Variants in PDHB observed in about 807,000 individuals in gnomAD.
PDHB encodes the protein pyruvate dehydrogenase E1 subunit beta, also known as pyruvate dehydrogenase E1 component subunit beta, mitochondrial.
PDHB carries 17 observed loss-of-function variants against 42.8 expected under a neutral mutation model. That is an observed-to-expected ratio of 0.40 (90% CI 0.27 to 0.60). The LOEUF is 0.60. Ranked by LOEUF, PDHB falls within the 20% of genes least tolerant of loss-of-function variation. The pLI is 0.46. For synonymous variants in PDHB, 154 were observed against 148.7 expected (o/e 1.04, Z -0.26); for missense variants, 322 against 451.3 (o/e 0.71, Z 2.60).
chr3:58,431,801 TA>T lies in PDHB; in HGVS notation c.205-9del. ...CCACAGCCCTCGACTAACCTACAAT[TA>T]AGAGTTGATCCCTTAAGTGTATCTG... On this transcript the variant is annotated splice_polypyrimidine_tract_variant and intron_variant, in intron 3 of 9. Transcript: ENST00000302746. The surrounding 1 kb of genome is among the most constrained non-coding windows in gnomAD (Gnocchi z 4.4). 6.2e-7 allele frequency: 1 copy of T among 1,612,790 alleles called. No individual in the cohort carries two copies. Among genetic ancestry groups the T allele is most frequent in the Non-Finnish European group, 8.5e-7 (1 of 1,178,780 alleles).
intron 2 of PDHB, 63 bp downstream of exon 2, chr3:58,433,568 C>A (rs2062942580): frequency 4.5e-6 from 7 of 1,541,440 alleles, no homozygotes; most frequent in Non-Finnish European, 6.1e-6. Flanking sequence ...CGACTCCGGC[C>A]TCCTTCCCGA....
chr3:58,431,637 T>C lies in PDHB; in HGVS notation c.268-9A>G. ...ATTCCAGCAAAGCCCATCTATAAAG[T>C]AAAATATAAACATAAGTGAAAATCC... On this transcript the variant is annotated splice_polypyrimidine_tract_variant and intron_variant, in intron 4 of 9. Transcript: ENST00000302746. The surrounding 1 kb of genome is among the most constrained non-coding windows in gnomAD (Gnocchi z 4.4). 6.2e-7 allele frequency: 1 copy of C among 1,609,036 alleles called. No homozygotes were observed. The highest frequency in any genetic ancestry group is 8.5e-7 in the Non-Finnish European group (1 of 1,175,888).
chr3:58,433,691 G>A lies in PDHB; in HGVS notation c.43-7C>T, dbSNP rs2062944238. The A allele has an allele frequency of 6.2e-7, 1 of 1,612,810 alleles. No individual in the cohort carries two copies. The highest frequency in any genetic ancestry group is 8.5e-7 in the Non-Finnish European group (1 of 1,179,640). ...TCTTCAGCAGCCCGGAGACCTGGCA[G>A]GGAGAGAGGAAGATGACGGCGGGAC... On this transcript the variant is annotated splice_region_variant and splice_polypyrimidine_tract_variant and intron_variant, in intron 1 of 9. Transcript: ENST00000302746.
intron 2 of PDHB, 200 bp from the exon 3 acceptor site, chr3:58,432,184 T>G: frequency 1.7e-6 from 1 of 603,992 alleles, no homozygotes; most frequent in Non-Finnish European, 3.0e-6. Context: ...ATGTACTGAG[T>G]GCTCACTAGG....
rs769662255 is a variant in PDHB at position 58,430,775 on chromosome 3, C to T, written c.471G>A (p.Gln157=). ...ACCAGGCAGCAAAGCACTGTGAGTGCTGGGCAGCTACACCTGCTGAGGCAC... is the reference window on the plus strand; with the variant it reads ...ACCAGGCAGCAAAGCACTGTGAGTGTTGGGCAGCTACACCTGCTGAGGCAC... ...PNGASAGVAA[Q]HSQCFAAWYG... is the part of the protein sequence containing the mutation. The change falls in exon 6 of 10, where the codon CAG becomes CAA. Residue 157 remains glutamine (Q), a synonymous_variant. Coordinates refer to ENST00000302746, the MANE Select transcript of PDHB (RefSeq NM_000925.4). The T allele has an allele frequency of 1.9e-6, 3 of 1,614,070 alleles. No homozygotes were observed. In the African/African-American group the frequency reaches 4.0e-5, roughly 22 times the overall value.
At position 58,430,807 on chromosome 3, in the gene PDHB, G is replaced by A. The variant is rs762371237; in HGVS notation, c.439C>T (p.Pro147Ser). 6.2e-7 allele frequency: 1 copy of A among 1,613,980 alleles called. No individual in the cohort carries two copies. Among genetic ancestry groups the A allele is most frequent in the Non-Finnish European group, 8.5e-7 (1 of 1,179,904 alleles). ...GCTACACCTGCTGAGGCACCATTGG[G>A]CCCTCTGAAGACTATAGGCACAGGC... ...LQPVPIVFRGPNGASAGVAAQ... is the reference protein window; with the variant it reads ...LQPVPIVFRGSNGASAGVAAQ... Residue 147 changes from proline (P) to serine (S), a missense_variant, in exon 6 of 10, where the codon CCC becomes TCC. Pro to Ser is a moderately conservative substitution (Grantham distance 74). Coordinates refer to ENST00000302746, the MANE Select transcript of PDHB (RefSeq NM_000925.4).
intron 7 of PDHB, 99 bp from the exon 8 acceptor site, chr3:58,429,898 C>T (rs1301670337): frequency 4.9e-6 from 4 of 811,284 alleles, no homozygotes; most frequent in Non-Finnish European, 8.8e-6. Context: ...ATAAAGTCTT[C>T]AATTCAACTT....
chr3:58,433,531 C>T, intron 2 of PDHB, 100 bp downstream of exon 2: 2 of 1,326,684 alleles, frequency 1.5e-6, no homozygotes, highest in Non-Finnish European at 2.1e-6. Context: ...CCAAGGCCCA[C>T]GGCGCCGGAA....
chr3:58,430,911 G>T lies in PDHB; in HGVS notation c.335C>A (p.Thr112Asn). ...AATGGCTTGCATGGAGAAATTGAAG[G>T]TCATAAATTCACAAATGGGCCGCAA... ...AGLRPICEFM[T>N]FNFSMQAIDQ... is the part of the protein sequence containing the mutation. Residue 112 changes from threonine to asparagine, a missense_variant, in exon 6 of 10, where the codon ACC becomes AAC. This residue lies in a region of PDHB where 56 missense variants were observed against 124.2 expected (regional missense o/e 0.45). Coordinates refer to ENST00000302746, the MANE Select transcript of PDHB (RefSeq NM_000925.4). The T allele has an allele frequency of 3.7e-6, 6 of 1,614,124 alleles. No homozygotes were observed. The highest frequency in any genetic ancestry group is 5.1e-6 in the Non-Finnish European group (6 of 1,180,030).
chr3:58,427,725 A>G lies in PDHB; in HGVS notation c.*309T>C, dbSNP rs1326630386. The G allele has an allele frequency of 4.2e-6, 2 of 481,690 alleles. No homozygotes were observed. The highest frequency in any genetic ancestry group is 4.7e-5 in the Admixed American group (2 of 42,916). The allele number at this position is 481,690 out of a possible 1,614,324, so 29.8% of individuals were successfully genotyped here. On this transcript the variant is annotated 3_prime_UTR_variant, in exon 10 of 10. Transcript: ENST00000302746. ...TATACATATAAGTTATCTTGTTTGG[A>G]TACATCTTTCATGAGGACTCTGCCA...
chr3:58,431,556 A>C lies in PDHB; in HGVS notation c.303+37T>G. 6.5e-7 allele frequency: 1 copy of C among 1,528,290 alleles called. No individual in the cohort carries two copies. Among genetic ancestry groups the C allele is most frequent in the African/African-American group, 1.4e-5 (1 of 73,414 alleles). 94.7% of individuals were successfully genotyped at this position (1,528,290 alleles called of 1,614,324 possible). On this transcript the variant is annotated intron_variant, in intron 5 of 9. Transcript: ENST00000302746. This position sits in a 1 kb window ranked among gnomAD's most constrained non-coding sequence, Gnocchi z 4.4. ...AAAAGAAAAAAAAAGAAAACAAGAA[A>C]TGTCTTTGGATAAGTTTCATAAAGA...
intron 2 of PDHB, 71 bp from the exon 3 acceptor site, chr3:58,432,055 T>G: frequency 9.7e-7 from 1 of 1,028,916 alleles, no homozygotes. Flanking sequence ...TTCCTTTATA[T>G]TTACCTAGGC....
chr3:58,432,098 C>G (rs1478528884), intron 2 of PDHB, 114 bp from the exon 3 acceptor site: 10 of 740,452 alleles, frequency 1.4e-5, no homozygotes, highest in Non-Finnish European at 2.4e-5. Flanking sequence ...AACACTAGAA[C>G]AAGCTTCTCT....
At chr3:58,433,574 C>A (rs1291336888) in intron 2 of PDHB, 57 bp downstream of exon 2, 94 of 1,556,658 alleles carry the variant, frequency 6.0e-5, no homozygotes, top group Non-Finnish European at 7.7e-5. Flanking sequence ...CGGCCTCCTT[C>A]CCGAGAGAAG....
At chr3:58,428,642 A>G (rs1439978878) in intron 8 of PDHB, 28 bp from the exon 9 acceptor site, 2 of 1,599,068 alleles carry the variant, frequency 1.3e-6, no homozygotes, top group African/African-American at 2.7e-5. Flanking sequence ...TCAAGTTTAC[A>G]GAGCTATTGC....
intron 2 of PDHB, chr3:58,433,377 A>G: frequency 1.7e-6 from 1 of 595,584 alleles, no homozygotes; most frequent in Non-Finnish European, 3.0e-6. Flanking sequence ...TTAAAGAAAA[A>G]AACATGGAGT....
Position 58,430,671 on chromosome 3 carries a change from C to T in PDHB, c.575G>A (p.Arg192Gln), listed in dbSNP as rs1372214410. Residue 192 changes from arginine (R) to glutamine (Q), a missense_variant, in exon 6 of 10, where the codon CGG becomes CAG. Coordinates refer to ENST00000302746, the MANE Select transcript of PDHB (RefSeq NM_000925.4). ...CCTGTGCTGACCTGGATTGTTATCC[C>T]GAATGGCTGATTTAATAAGTCCTTT... The part of the protein sequence containing the change: ...DAKGLIKSAI[R>Q]DNNPVVVLEN... 6.2e-7 allele frequency: 1 copy of T among 1,613,578 alleles called. No individual in the cohort carries two copies. The highest frequency in any genetic ancestry group is 8.5e-7 in the Non-Finnish European group (1 of 1,179,976).
At chr3:58,428,282 CT>C in intron 9 of PDHB, 103 bp from the exon 10 acceptor site, 1 of 1,257,920 alleles carries the variant, frequency 7.9e-7, no homozygotes, top group Non-Finnish European at 1.2e-6. Context: ...GTAAGGAATG[CT>C]AATTATGGGG....
Position 58,428,165 on chromosome 3 carries a change from A to G in PDHB, c.949T>C (p.Phe317Leu), listed in dbSNP as rs1162229014. The G allele has an allele frequency of 6.2e-7, 1 of 1,614,116 alleles. No individual in the cohort carries two copies. The highest frequency in any genetic ancestry group is 8.5e-7 in the Non-Finnish European group (1 of 1,179,942). ...ACACGAACAGCAGGAGCATCCAGGA[A>G]ATTGAACGCAGGACCTAGGAGAAGG... is the stretch of plus-strand genomic sequence containing the variant. Reference protein sequence around the residue: ...ARIMEGPAFNFLDAPAVRVTG... With the variant: ...ARIMEGPAFNLLDAPAVRVTG... The change falls in exon 10 of 10, where the codon TTC becomes CTC. Residue 317 changes from phenylalanine to leucine, a missense_variant. Phe to Leu is a conservative substitution (Grantham distance 22, BLOSUM62 0). Around this residue, in one of 3 missense-constraint regions of PDHB, gnomAD observed 208 missense variants for 285.0 expected, o/e 0.73. Coordinates refer to ENST00000302746, the MANE Select transcript of PDHB (RefSeq NM_000925.4).
Sources: gnomAD v4.1 joint callset for allele counts on GRCh38, gnomAD v4.1.1 for gene constraint, gnomAD v4.1.1 regional missense constraint, Gnocchi (gnomAD v3.1) non-coding constraint, MANE v1.5 for transcripts, NCBI Gene and HGNC (gene_info 2026-07-23, HGNC 2026-07-21) for gene names.